EPB41L4A: variants seen among roughly 807,000 people sequenced by gnomAD.
The protein encoded by EPB41L4A is erythrocyte membrane protein band 4.1 like 4A, also known as band 4.1-like protein 4A.
EPB41L4A carries 100 observed loss-of-function variants against 108.6 expected under a neutral mutation model. The observed-to-expected ratio is 0.92, with a 90% CI of 0.78 to 1.09. The LOEUF (loss-of-function observed/expected upper bound fraction) is 1.09. EPB41L4A is among the 50% of genes least tolerant of loss of function. The pLI is 0.00. For synonymous variants in EPB41L4A, 319 were observed against 289.0 expected, an observed-to-expected ratio of 1.10 and a Z score of -1.05; for missense variants, 1,030 against 842.7, an observed-to-expected ratio of 1.22 and a Z score of -2.75.
chr5:112,213,800 C>A (rs1305143569), intron 12 of EPB41L4A, among the ~76,000 whole-genome samples: 1 of 152,180 alleles, frequency 6.6e-6, no homozygotes, highest in East Asian at 1.9e-4. Flanking sequence ...CATTAACTTA[C>A]TGGGAGCACT....
chr5:112,348,131 T>A (rs887320914), intron 1 of EPB41L4A, among the ~76,000 whole-genome samples: 1 of 152,180 alleles, frequency 6.6e-6, no homozygotes, highest in Non-Finnish European at 1.5e-5. Flanking sequence ...CTTTTCTCTA[T>A]GTCACTCCCT....
intron 1 of EPB41L4A, among the ~76,000 whole-genome samples, chr5:112,346,979 CAGTT>C: frequency 1.3e-5 from 2 of 152,254 alleles, no homozygotes; most frequent in South Asian, 2.1e-4. Context: ...AGCATTTTGA[CAGTT>C]AGAGTCCAAA....
At chr5:112,262,223 GT>G (rs1751543503) in intron 7 of EPB41L4A, among the ~76,000 whole-genome samples, 1 of 152,178 alleles carries the variant, frequency 6.6e-6, no homozygotes, top group African/African-American at 2.4e-5. Flanking sequence ...TTGTTTTGAT[GT>G]TTAGCTAAGC....
At chr5:112,246,953 T>A (rs944796964) in intron 9 of EPB41L4A, among the ~76,000 whole-genome samples, 1 of 152,200 alleles carries the variant, frequency 6.6e-6, no homozygotes, top group African/African-American at 2.4e-5. Context: ...CCCTGGCATG[T>A]CCTTAACTTT....
intron 1 of EPB41L4A, among the ~76,000 whole-genome samples, chr5:112,346,100 C>G (rs938747323): frequency 5.9e-5 from 9 of 151,814 alleles, no homozygotes; most frequent in Non-Finnish European, 1.2e-4. Context: ...TTGCTGTTTC[C>G]AAGACTGCCA....
chr5:112,211,575 G>C (rs575339016), intron 12 of EPB41L4A, among the ~76,000 whole-genome samples: 1 of 148,216 alleles, frequency 6.7e-6, no homozygotes, highest in Non-Finnish European at 1.5e-5. Context: ...GCTACAGAGC[G>C]AGACTCCGTC....
chr5:112,217,703 C>T (rs1160108222), intron 12 of EPB41L4A, among the ~76,000 whole-genome samples: 1 of 152,020 alleles, frequency 6.6e-6, no homozygotes, highest in African/African-American at 2.4e-5. Flanking sequence ...TTTCTTAAAA[C>T]ACAAAAAATG....
At chr5:112,253,638 C>G (rs1406179158) in intron 9 of EPB41L4A, among the ~76,000 whole-genome samples, 3 of 152,082 alleles carry the variant, frequency 2.0e-5, no homozygotes, top group Non-Finnish European at 2.9e-5. Flanking sequence ...TACACACTTA[C>G]ATATTTATAG....
At chr5:112,249,901 G>A (rs1365744342) in intron 9 of EPB41L4A, among the ~76,000 whole-genome samples, 1 of 152,088 alleles carries the variant, frequency 6.6e-6, no homozygotes, top group African/African-American at 2.4e-5. Flanking sequence ...GTAAGGTTGT[G>A]GGTTGTTCTA....
At chr5:112,175,913 A>G (rs1356844410) in intron 18 of EPB41L4A, among the ~76,000 whole-genome samples, 1 of 152,068 alleles carries the variant, frequency 6.6e-6, no homozygotes, top group Non-Finnish European at 1.5e-5. Context: ...CTACACATAC[A>G]AGCCACCATA....
chr5:112,321,886 A>T (rs895732469), intron 1 of EPB41L4A, among the ~76,000 whole-genome samples: 3 of 152,200 alleles, frequency 2.0e-5, no homozygotes, highest in Non-Finnish European at 4.4e-5. Context: ...TTTATAACTC[A>T]GCCTCCCACC....
intron 9 of EPB41L4A, chr5:112,257,251 A>C (rs1162190256): frequency 6.6e-6 from 1 of 152,242 alleles, no homozygotes; most frequent in African/African-American, 2.4e-5. Context: ...TAGGAAACAG[A>C]ATGCTTTGAC....
intron 11 of EPB41L4A, 83 bp downstream of exon 11, chr5:112,239,577 A>C (rs771997819): frequency 1.2e-6 from 1 of 804,166 alleles, no homozygotes; most frequent in Non-Finnish European, 1.9e-6. Flanking sequence ...AAAATAAATA[A>C]ATAACTTCAC....
At chr5:112,320,293 C>T (rs1755691275) in intron 1 of EPB41L4A, among the ~76,000 whole-genome samples, 1 of 152,160 alleles carries the variant, frequency 6.6e-6, no homozygotes, top group African/African-American at 2.4e-5. Flanking sequence ...CTGTGACCCA[C>T]TCTATAGCAG....
intron 1 of EPB41L4A, among the ~76,000 whole-genome samples, chr5:112,310,298 ATTC>A (rs1478372078): frequency 3.9e-5 from 6 of 152,210 alleles, no homozygotes; most frequent in Admixed American, 3.3e-4. Flanking sequence ...GTCTTGCTAA[ATTC>A]TTCTTAGTTT....
In EPB41L4A at chr5:112,234,709, G is replaced by A. The variant is rs748260195; in HGVS notation, c.1012C>T (p.Pro338Ser). 1.9e-6 allele frequency: 3 copies of A among 1,613,442 alleles called. No individual in the cohort carries two copies. The highest frequency in any genetic ancestry group is 2.5e-6 in the Non-Finnish European group (3 of 1,179,510). The change falls in exon 12 of 23, where the codon CCC becomes TCC. Residue 338 changes from proline (P) to serine (S), a missense_variant. Pro to Ser is a moderately conservative substitution (Grantham distance 74, BLOSUM62 -1). Transcript: ENST00000261486. ...QMSRDLSIQL[P>S]RPDQNVTRSR... ...CTTGTCACATTCTGATCAGGCCGGG[G>A]AAGCTGAATAGAAAGATCTCGGCTC...
intron 1 of EPB41L4A, among the ~76,000 whole-genome samples, chr5:112,355,001 G>T (rs921716841): frequency 6.6e-6 from 1 of 151,970 alleles, no homozygotes; most frequent in South Asian, 2.1e-4. Context: ...AGGAGGAAGG[G>T]GGAAAAAAAT....
chr5:112,292,988 ATAAC>A (rs1210156482), intron 2 of EPB41L4A, among the ~76,000 whole-genome samples: 1 of 152,206 alleles, frequency 6.6e-6, no homozygotes, highest in Non-Finnish European at 1.5e-5. Flanking sequence ...ACTTATGTAT[ATAAC>A]TAAGAAGGTA....
intron 12 of EPB41L4A, among the ~76,000 whole-genome samples, chr5:112,218,154 C>G (rs1747789809): frequency 6.6e-6 from 1 of 152,108 alleles, no homozygotes; most frequent in South Asian, 2.1e-4. Flanking sequence ...ATTTGTGAGG[C>G]TAGGAAGGCA....
Sources: allele counts gnomAD v4.1 joint callset (sites outside exome capture counted in the v4.1 genomes callset), GRCh38; gene constraint gnomAD v4.1.1; transcripts MANE v1.5; gene names NCBI Gene and HGNC (gene_info 2026-07-23, HGNC 2026-07-21).